The following FHIT variants were observed in gnomAD, a reference collection of about 807,000 sequenced individuals.
FHIT encodes fragile histidine triad diadenosine triphosphatase, also known as bis(5'-adenosyl)-triphosphatase.
A neutral mutation model predicts 17.9 loss-of-function variants in FHIT; 19 were observed. That is an observed-to-expected ratio of 1.06 (90% CI 0.74 to 1.56). FHIT has a LOEUF of 1.56. FHIT is among the 40% of genes most tolerant of loss of function. The pLI is 0.00. For missense variants in FHIT, 248 were observed against 189.2 expected (o/e 1.31, Z -1.82); for synonymous variants, 81 against 69.7 (o/e 1.16, Z -0.81).
intron 5 of FHIT, among the ~76,000 whole-genome samples, chr3:60,057,603 C>A (rs148269801): frequency 6.6e-6 from 1 of 151,630 alleles, no homozygotes; most frequent in Non-Finnish European, 1.5e-5. Context: ...TTTGGATAGA[C>A]GTAGAAATTG....
chr3:59,882,231 A>G (rs1703437575), intron 8 of FHIT, among the ~76,000 whole-genome samples: 1 of 152,192 alleles, frequency 6.6e-6, no homozygotes, highest in African/African-American at 2.4e-5. Context: ...TAGATATGGA[A>G]AACAAAACAT....
Position 60,873,744 on chromosome 3 carries a change from G to C in FHIT, c.-110-51733C>G, listed in dbSNP as rs1297717058. 5.3e-5 allele frequency among the ~76,000 whole-genome samples: 8 copies of C among 152,178 alleles called. No individual in the cohort carries two copies. In the East Asian group the frequency reaches 1.5e-3, roughly 29 times the overall value. ...CAAGCACTGTTTAAAATTCTAAGTA[G>C]TAATCTTATAATTTGCTAATGGAAA... On this transcript the variant is annotated intron_variant, in intron 3 of 9. Transcript: ENST00000492590.
chr3:60,474,754 G>A (rs2033261793), intron 5 of FHIT, among the ~76,000 whole-genome samples: 2 of 151,898 alleles, frequency 1.3e-5, no homozygotes, highest in African/African-American at 4.8e-5. Flanking sequence ...CTCCCGAGTA[G>A]CTGGGATTAC....
Position 60,973,266 on chromosome 3 carries a change from C to A in FHIT, c.-111+68781G>T, listed in dbSNP as rs1710099411. ...CTGGTATATTTCCAGTTTGCTCTTACCCTAGGTTGTAGTTCTTCAGGGGCC... is the reference window on the plus strand; with the variant it reads ...CTGGTATATTTCCAGTTTGCTCTTAACCTAGGTTGTAGTTCTTCAGGGGCC... On this transcript the variant is annotated intron_variant, in intron 3 of 9. Transcript: ENST00000492590. Among the ~76,000 whole-genome samples the A allele has an allele frequency of 2.0e-5, 3 of 152,146 alleles. No individual in the cohort carries two copies. The South Asian group carries it at 6.2e-4, about 31-fold the overall frequency.
intron 5 of FHIT, among the ~76,000 whole-genome samples, chr3:60,073,628 T>C (rs966453313): frequency 2.6e-5 from 4 of 152,130 alleles, no homozygotes; most frequent in Admixed American, 6.6e-5. Context: ...ATCAGCTTCC[T>C]GCTTTTAATC....
intron 5 of FHIT, among the ~76,000 whole-genome samples, chr3:60,018,739 A>G (rs1289119363): frequency 2.0e-5 from 3 of 152,140 alleles, no homozygotes; most frequent in Non-Finnish European, 2.9e-5. Context: ...GCACTTTGGG[A>G]GGCCAAAGCG....
intron 4 of FHIT, among the ~76,000 whole-genome samples, chr3:60,557,168 T>A (rs187153019): frequency 8.5e-5 from 13 of 152,270 alleles, no homozygotes; most frequent in African/African-American, 2.9e-4. Context: ...TTTATCACCC[T>A]AATTTTACAA....
At chr3:59,960,830 TA>T (rs2107344120) in intron 7 of FHIT, among the ~76,000 whole-genome samples, 1 of 152,324 alleles carries the variant, frequency 6.6e-6, no homozygotes, top group African/African-American at 2.4e-5. Context: ...TGTATCCCTA[TA>T]ACCACTCCAA....
intron 7 of FHIT, 61 bp from the exon 8 acceptor site, chr3:59,922,475 C>T (rs372896856): frequency 1.4e-5 from 19 of 1,395,150 alleles, no homozygotes; most frequent in Non-Finnish European, 1.9e-5. Context: ...TTAGACTTGA[C>T]AGTGATGCTC....
In FHIT at chr3:60,848,458, AG is replaced by A. The variant is rs373873625; in HGVS notation, c.-110-26448del. On this transcript the variant is annotated intron_variant, in intron 3 of 9. Transcript: ENST00000492590. ...TTTGCAAGATGATGACTAGAGTTAC[AG>A]CACATTCTTTCAACCCATGCCCAAA... Among the ~76,000 whole-genome samples the A allele has an allele frequency of 2.5e-3, 376 of 152,284 alleles. 2 individuals are homozygous for A. Among genetic ancestry groups the A allele is most frequent in the African/African-American group, 8.6e-3 (358 of 41,546 alleles).
chr3:60,214,366 G>A (rs538832544), intron 5 of FHIT, among the ~76,000 whole-genome samples: 1 of 152,058 alleles, frequency 6.6e-6, no homozygotes, highest in African/African-American at 2.4e-5. Flanking sequence ...ATTTTACAAA[G>A]GAAAGCTTTT....
At chr3:60,290,760 G>T (rs1707947135) in intron 5 of FHIT, among the ~76,000 whole-genome samples, 1 of 152,028 alleles carries the variant, frequency 6.6e-6, no homozygotes, top group African/African-American at 2.4e-5. Flanking sequence ...TTGGAAGTTG[G>T]AACTCATTTC....
At chr3:60,595,375 T>TC (rs1491427801) in intron 4 of FHIT, among the ~76,000 whole-genome samples, 4 of 56,162 alleles carry the variant, frequency 7.1e-5, no homozygotes, top group African/African-American at 3.1e-4. Flanking sequence ...CATGTTAGTC[T>TC]TTTTTTTTTT....
chr3:60,297,690 T>A lies in FHIT; in HGVS notation c.103+239170A>T, dbSNP rs111754843. 3.3e-3 allele frequency among the ~76,000 whole-genome samples: 508 copies of A among 152,186 alleles called. 1 individual carries two copies. Among genetic ancestry groups the A allele is most frequent in the Middle Eastern group, 0.014 (4 of 294 alleles). On this transcript the variant is annotated intron_variant, in intron 5 of 9. Coordinates refer to ENST00000492590, the MANE Select transcript of FHIT (RefSeq NM_002012.4). ...TGAAAGTATTAAAAGTATCAGAACTTGCGTAGGGGGCATAAAATACTAAAG... is the reference window on the plus strand; with the variant it reads ...TGAAAGTATTAAAAGTATCAGAACTAGCGTAGGGGGCATAAAATACTAAAG...
At chr3:60,419,566 A>T (rs556611030) in intron 5 of FHIT, among the ~76,000 whole-genome samples, 1 of 152,156 alleles carries the variant, frequency 6.6e-6, no homozygotes, top group Non-Finnish European at 1.5e-5. Flanking sequence ...ATGCAGTTTA[A>T]TGCTAGGGGT....
intron 5 of FHIT, among the ~76,000 whole-genome samples, chr3:60,271,549 A>G (rs1706867237): frequency 6.6e-6 from 1 of 152,196 alleles, no homozygotes. Flanking sequence ...TGAACTGGAG[A>G]TTCAAAATAA....
chr3:61,186,558 A>G (rs759484921), intron 2 of FHIT, among the ~76,000 whole-genome samples: 1 of 152,178 alleles, frequency 6.6e-6, no homozygotes, highest in Non-Finnish European at 1.5e-5. Flanking sequence ...GGCTATGAGG[A>G]TCCTGAGACA....
At chr3:59,978,631 G>T (rs1343854624) in intron 7 of FHIT, among the ~76,000 whole-genome samples, 2 of 150,756 alleles carry the variant, frequency 1.3e-5, no homozygotes, top group African/African-American at 4.9e-5. Context: ...GGGGCTTTGG[G>T]GAGCTGCTGA....
In FHIT at chr3:60,768,624, C is replaced by T. The variant is rs528130947; in HGVS notation, c.-18+53295G>A. 1.1e-4 allele frequency among the ~76,000 whole-genome samples: 17 copies of T among 152,330 alleles called. No individual in the cohort carries two copies. In the South Asian group the frequency reaches 3.5e-3, roughly 32 times the overall value. The stretch of plus-strand genomic sequence containing the variant: ...TTTTGATTCAGTGAATACCAATGTG[C>T]TCTCCCACATTTCCTCTACCTTTTG... On this transcript the variant is annotated intron_variant, in intron 4 of 9. Transcript: ENST00000492590.
Sources: gnomAD v4.1 joint callset for allele counts (sites outside exome capture counted in the v4.1 genomes callset) on GRCh38, gnomAD v4.1.1 for gene constraint, MANE v1.5 for transcripts, NCBI Gene and HGNC (gene_info 2026-07-23, HGNC 2026-07-21) for gene names.